GALNT18: variants seen among roughly 807,000 people sequenced by gnomAD.
The protein encoded by GALNT18 is GalNAc-transferase 18.
A neutral mutation model predicts 69.5 loss-of-function variants in GALNT18; 44 were observed. The ratio of observed to expected loss-of-function variants is 0.63; its 90% CI spans 0.50 to 0.81. GALNT18 has a LOEUF of 0.81. Ranked by LOEUF, GALNT18 falls within the 40% of genes least tolerant of loss-of-function variation. The pLI is 0.00. For missense variants in GALNT18, 715 were observed against 810.0 expected, an observed-to-expected ratio of 0.88 and a Z score of 1.42; for synonymous variants, 364 against 318.2, an observed-to-expected ratio of 1.14 and a Z score of -1.53.
At chr11:11,513,420 T>G (rs188331152) in intron 1 of GALNT18, among the ~76,000 whole-genome samples, 1 of 152,254 alleles carries the variant, frequency 6.6e-6, no homozygotes, top group African/African-American at 2.4e-5. Context: ...CTGACTCTGG[T>G]TTTTCAACCC....
chr11:11,359,761 A>G (rs1306846218), intron 6 of GALNT18, among the ~76,000 whole-genome samples: 1 of 152,174 alleles, frequency 6.6e-6, no homozygotes, highest in Non-Finnish European at 1.5e-5. Flanking sequence ...ACCTTTATCC[A>G]TCAGTGATTT....
intron 3 of GALNT18, among the ~76,000 whole-genome samples, chr11:11,399,491 T>C (rs185146478): frequency 2.1e-4 from 32 of 152,264 alleles, no homozygotes; most frequent in Admixed American, 2.1e-3. Context: ...AACAAGTCAA[T>C]AAATACATCA....
intron 1 of GALNT18, among the ~76,000 whole-genome samples, chr11:11,524,580 T>C (rs902649436): frequency 6.6e-6 from 1 of 152,204 alleles, no homozygotes; most frequent in Non-Finnish European, 1.5e-5. Context: ...CAAATAGGGA[T>C]TGGTCCTTCA....
intron 1 of GALNT18, among the ~76,000 whole-genome samples, chr11:11,607,857 A>G (rs985167020): frequency 7.2e-5 from 11 of 152,368 alleles, no homozygotes; most frequent in African/African-American, 2.6e-4. Context: ...CTCTTCCACC[A>G]GCCAAGGTTT....
Position 11,439,090 on chromosome 11 carries a change from T to C in GALNT18, c.429-6303A>G, listed in dbSNP as rs1423750772. Among the ~76,000 whole-genome samples, 1 of 152,158 alleles carries C rather than the reference T, an allele frequency of 6.6e-6. No homozygotes were observed. Among genetic ancestry groups the C allele is most frequent in the African/African-American group, 2.4e-5 (1 of 41,424 alleles). ...AGCTGGATCTAGTAATTTTAAAGAA[T>C]GACCAGTGGCCCTGTCCAGCCACTG... On this transcript the variant is annotated intron_variant, in intron 2 of 10. Transcript: ENST00000227756. This position sits in a 1 kb window ranked among gnomAD's most constrained non-coding sequence, Gnocchi z 4.4.
rs1057202115 is a variant in GALNT18 at position 11,538,828 on chromosome 11, C to A, written c.235+82531G>T. On this transcript the variant is annotated intron_variant, in intron 1 of 10. Transcript: ENST00000227756. This position sits in a 1 kb window ranked among gnomAD's most constrained non-coding sequence, Gnocchi z 5.2. ...TTACTCCTGCTGCTGCCTCCTTTAA[C>A]TTCATGGCTGTGGTTCCCATCTGCA... Among the ~76,000 whole-genome samples the A allele has an allele frequency of 1.8e-4, 27 of 152,180 alleles. No individual in the cohort carries two copies. The highest frequency in any genetic ancestry group is 1.5e-5 in the Non-Finnish European group (1 of 68,030).
chr11:11,579,650 AG>A (rs1357817574), intron 1 of GALNT18, among the ~76,000 whole-genome samples: 1 of 145,638 alleles, frequency 6.9e-6, no homozygotes, highest in Non-Finnish European at 1.5e-5. Flanking sequence ...CCTTGTGAGG[AG>A]GGGCAGTGAA....
At position 11,620,318 on chromosome 11, in the gene GALNT18, CGCG is replaced by C. The variant is rs1257394563; in HGVS notation, c.235+1038_235+1040del. The stretch of plus-strand genomic sequence containing the variant: ...GGAGGGGAGGAAGTGTGGACGTGAG[CGCG>C]CGCGCGCGCGCGTGTGTGTGTGTGT... On this transcript the variant is annotated intron_variant, in intron 1 of 10. Coordinates refer to ENST00000227756, the MANE Select transcript of GALNT18 (RefSeq NM_198516.3). The surrounding 1 kb of genome is among the most constrained non-coding windows in gnomAD (Gnocchi z 6.9). 9.5e-5 allele frequency among the ~76,000 whole-genome samples: 5 copies of C among 52,662 alleles called. No individual in the cohort carries two copies. Among genetic ancestry groups the C allele is most frequent in the Admixed American group, 8.0e-4 (3 of 3,760 alleles). 34.5% of individuals were successfully genotyped at this position (52,662 alleles called of 152,430 possible).
intron 9 of GALNT18, among the ~76,000 whole-genome samples, chr11:11,324,822 T>C (rs1194063555): frequency 6.6e-6 from 1 of 152,192 alleles, no homozygotes; most frequent in Non-Finnish European, 1.5e-5. Flanking sequence ...GTTGGATGCA[T>C]AGTTTGTGAA....
At chr11:11,301,925 C>G (rs540188730) in intron 9 of GALNT18, among the ~76,000 whole-genome samples, 1 of 152,224 alleles carries the variant, frequency 6.6e-6, no homozygotes, top group African/African-American at 2.4e-5. Flanking sequence ...CTGGGGTGCC[C>G]CAGAGCTGGA....
At chr11:11,567,051 C>T (rs968719350) in intron 1 of GALNT18, among the ~76,000 whole-genome samples, 8 of 152,144 alleles carry the variant, frequency 5.3e-5, no homozygotes, top group Non-Finnish European at 1.0e-4. Flanking sequence ...TTTTGACATT[C>T]GGGCCTCAGA....
chr11:11,443,825 G>C (rs1485480399), intron 2 of GALNT18, among the ~76,000 whole-genome samples: 1 of 152,198 alleles, frequency 6.6e-6, no homozygotes, highest in African/African-American at 2.4e-5. Context: ...GATGGCTGAG[G>C]GGTCTGCCCT....
At chr11:11,373,238 T>C (rs1256588152) in intron 5 of GALNT18, among the ~76,000 whole-genome samples, 1 of 152,064 alleles carries the variant, frequency 6.6e-6, no homozygotes, top group Admixed American at 6.5e-5. Context: ...GGGTGGGAAT[T>C]GAGGGGCCCA....
chr11:11,544,490 G>A (rs4497400), intron 1 of GALNT18, among the ~76,000 whole-genome samples: 35,712 of 152,076 alleles, frequency 0.23, 5,101 homozygotes, highest in Non-Finnish European at 0.31. Context: ...TGTGCACTGG[G>A]GTACAGTGGG....
intron 3 of GALNT18, among the ~76,000 whole-genome samples, chr11:11,427,407 T>C (rs552914168): frequency 6.6e-6 from 1 of 152,186 alleles, no homozygotes; most frequent in African/African-American, 2.4e-5. Flanking sequence ...CAAAGAGAGC[T>C]TGGGGAGACA....
intron 1 of GALNT18, among the ~76,000 whole-genome samples, chr11:11,495,969 A>T (rs1443437612): frequency 1.3e-5 from 2 of 152,246 alleles, no homozygotes; most frequent in Non-Finnish European, 2.9e-5. Flanking sequence ...TATTACATCC[A>T]TTCTTTCATT....
At chr11:11,414,061 C>T (rs1854795916) in intron 3 of GALNT18, among the ~76,000 whole-genome samples, 1 of 152,130 alleles carries the variant, frequency 6.6e-6, no homozygotes, top group East Asian at 1.9e-4. Flanking sequence ...CCTTCCTTTC[C>T]TTCATCCCCT....
intron 10 of GALNT18, among the ~76,000 whole-genome samples, chr11:11,291,401 C>T (rs1489740577): frequency 6.6e-6 from 1 of 152,206 alleles, no homozygotes; most frequent in Non-Finnish European, 1.5e-5. Context: ...TCAGTTTCCT[C>T]ATCTATGAGG....
intron 1 of GALNT18, among the ~76,000 whole-genome samples, chr11:11,610,859 G>C (rs1038429829): frequency 2.0e-5 from 3 of 152,188 alleles, no homozygotes; most frequent in Non-Finnish European, 4.4e-5. Context: ...TTCCTCTGCA[G>C]CTCCTTCTCT....
Sources: gnomAD v4.1 joint callset for allele counts (sites outside exome capture counted in the v4.1 genomes callset) on GRCh38, gnomAD v4.1.1 for gene constraint, Gnocchi (gnomAD v3.1) non-coding constraint, MANE v1.5 for transcripts, NCBI Gene and HGNC (gene_info 2026-07-23, HGNC 2026-07-21) for gene names.